NKAIN2: variants seen among roughly 807,000 people sequenced by gnomAD.
NKAIN2 encodes sodium/potassium transporting ATPase interacting 2, also known as sodium/potassium-transporting ATPase subunit beta-1-interacting protein 2.
In NKAIN2, 14 loss-of-function variants were observed where a neutral mutation model predicts 32.6. The observed-to-expected ratio is 0.43, with a 90% CI of 0.28 to 0.67. The LOEUF (loss-of-function observed/expected upper bound fraction) is 0.67, where lower values mean the gene tolerates loss of function less well. NKAIN2 is among the 30% of genes least tolerant of loss of function. NKAIN2 has a pLI of 0.17. For missense variants in NKAIN2, 198 were observed against 258.3 expected (o/e 0.77, Z 1.60); for synonymous variants, 80 against 87.2 (o/e 0.92, Z 0.46).
chr6:124,355,263 A>T lies in NKAIN2; in HGVS notation c.193-4A>T. On this transcript the variant is annotated splice_polypyrimidine_tract_variant and splice_region_variant and intron_variant, in intron 2 of 6. Transcript: ENST00000368417. The stretch of plus-strand genomic sequence containing the variant: ...TACGTTATTTCTCTCTTGCTTCTCT[A>T]CAGTATGCTGTCTGGCTAGTCCTCT... The T allele has an allele frequency of 6.3e-7, 1 of 1,584,026 alleles. No homozygotes were observed. Among genetic ancestry groups the T allele is most frequent in the Non-Finnish European group, 8.7e-7 (1 of 1,153,044 alleles).
intron 1 of NKAIN2, among the ~76,000 whole-genome samples, chr6:123,863,638 C>T (rs1382715216): frequency 6.6e-6 from 1 of 152,128 alleles, no homozygotes; most frequent in East Asian, 1.9e-4. Flanking sequence ...CCTGTGGGCA[C>T]CATTGGGAGT....
At chr6:124,722,120 A>G (rs1776051610) in intron 4 of NKAIN2, among the ~76,000 whole-genome samples, 1 of 152,160 alleles carries the variant, frequency 6.6e-6, no homozygotes, top group Admixed American at 6.5e-5. Context: ...AAATGTTTTC[A>G]AGGTTTATCA....
At chr6:123,916,624 G>C (rs1262629109) in intron 1 of NKAIN2, among the ~76,000 whole-genome samples, 1 of 152,050 alleles carries the variant, frequency 6.6e-6, no homozygotes, top group Non-Finnish European at 1.5e-5. Context: ...GATGATGAAA[G>C]AAAAGGTGGA....
chr6:124,107,087 TGAG>T (rs952958159), intron 1 of NKAIN2, among the ~76,000 whole-genome samples: 4 of 152,024 alleles, frequency 2.6e-5, no homozygotes, highest in Non-Finnish European at 2.9e-5. Context: ...ACTTCACAGA[TGAG>T]GGAGTACATT....
chr6:124,463,729 T>C (rs144330520), intron 3 of NKAIN2, among the ~76,000 whole-genome samples: 7 of 152,156 alleles, frequency 4.6e-5, no homozygotes, highest in African/African-American at 1.7e-4. Context: ...TATAAAGATA[T>C]ACACATGCCT....
At chr6:123,993,504 A>T (rs1011746802) in intron 1 of NKAIN2, among the ~76,000 whole-genome samples, 2 of 152,212 alleles carry the variant, frequency 1.3e-5, no homozygotes, top group African/African-American at 4.8e-5. Context: ...CATAAAATCT[A>T]TATTTAATTG....
At chr6:123,971,491 G>A (rs1778339561) in intron 1 of NKAIN2, among the ~76,000 whole-genome samples, 2 of 152,078 alleles carry the variant, frequency 1.3e-5, no homozygotes, top group South Asian at 2.1e-4. Context: ...TCTCTGCTTT[G>A]TAGTCAATCT....
At chr6:124,153,084 C>A (rs1787811705) in intron 1 of NKAIN2, among the ~76,000 whole-genome samples, 1 of 151,620 alleles carries the variant, frequency 6.6e-6, no homozygotes, top group African/African-American at 2.4e-5. Flanking sequence ...TAGTATTCAA[C>A]AGTATAGTAG....
intron 2 of NKAIN2, among the ~76,000 whole-genome samples, chr6:124,337,221 G>A (rs1263708207): frequency 1.3e-5 from 2 of 152,158 alleles, no homozygotes; most frequent in Non-Finnish European, 2.9e-5. Context: ...TACTCGCTGG[G>A]TGTGGTGGCT....
chr6:123,978,303 A>G (rs545173270), intron 1 of NKAIN2, among the ~76,000 whole-genome samples: 1 of 152,306 alleles, frequency 6.6e-6, no homozygotes, highest in African/African-American at 2.4e-5. Flanking sequence ...TTAAAGTATA[A>G]TTTAAACTTA....
At chr6:124,510,928 T>A (rs1778685510) in intron 3 of NKAIN2, among the ~76,000 whole-genome samples, 1 of 152,218 alleles carries the variant, frequency 6.6e-6, no homozygotes, top group South Asian at 2.1e-4. Flanking sequence ...TATGTGTTTT[T>A]AAAATATACA....
chr6:123,938,533 T>C (rs1183308669), intron 1 of NKAIN2, among the ~76,000 whole-genome samples: 1 of 137,674 alleles, frequency 7.3e-6, no homozygotes, highest in Non-Finnish European at 1.6e-5. Context: ...ATATATTATA[T>C]TTTTTATATA....
intron 4 of NKAIN2, among the ~76,000 whole-genome samples, chr6:124,748,315 A>G (rs1221998962): frequency 6.6e-6 from 1 of 152,006 alleles, no homozygotes; most frequent in East Asian, 1.9e-4. Flanking sequence ...GGAGGCACTC[A>G]GTAAGTATTT....
chr6:124,633,774 T>C (rs1783663805), intron 3 of NKAIN2, among the ~76,000 whole-genome samples: 1 of 152,192 alleles, frequency 6.6e-6, no homozygotes, highest in East Asian at 1.9e-4. Flanking sequence ...TTACAACTGA[T>C]GGCACCTAGA....
chr6:124,412,154 A>T (rs769633118), intron 3 of NKAIN2, among the ~76,000 whole-genome samples: 1 of 151,966 alleles, frequency 6.6e-6, no homozygotes, highest in Admixed American at 6.5e-5. Flanking sequence ...GAGTAGTTCG[A>T]TCTTCTGAAG....
At chr6:124,229,730 C>A (rs1792346424) in intron 1 of NKAIN2, among the ~76,000 whole-genome samples, 1 of 152,062 alleles carries the variant, frequency 6.6e-6, no homozygotes, top group African/African-American at 2.4e-5. Context: ...GGGAGTTTCC[C>A]TGCACAGGCT....
intron 1 of NKAIN2, among the ~76,000 whole-genome samples, chr6:123,826,545 A>G (rs918678053): frequency 1.3e-5 from 2 of 151,974 alleles, no homozygotes; most frequent in African/African-American, 4.8e-5. Flanking sequence ...ACCTGGCACT[A>G]CCCTTCTGCT....
chr6:124,276,344 T>C (rs990773025), intron 1 of NKAIN2, among the ~76,000 whole-genome samples: 2 of 149,988 alleles, frequency 1.3e-5, no homozygotes, highest in South Asian at 2.1e-4. Context: ...TCCTAACAAG[T>C]ATGTACACAT....
At chr6:124,041,522 A>C (rs1399305917) in intron 1 of NKAIN2, among the ~76,000 whole-genome samples, 1 of 152,046 alleles carries the variant, frequency 6.6e-6, no homozygotes, top group Non-Finnish European at 1.5e-5. Flanking sequence ...ATTATTTTAA[A>C]TATATTAGTC....
Sources: allele counts gnomAD v4.1 joint callset (sites outside exome capture counted in the v4.1 genomes callset), GRCh38; gene constraint gnomAD v4.1.1; transcripts MANE v1.5; gene names NCBI Gene and HGNC (gene_info 2026-07-23, HGNC 2026-07-21).